The following DGCR2 variants were observed in gnomAD, a reference collection of about 807,000 sequenced individuals.
DGCR2 encodes DiGeorge syndrome critical region gene 2.
A neutral mutation model predicts 51.6 loss-of-function variants in DGCR2; 24 were observed. That is an observed-to-expected ratio of 0.47 (90% CI 0.34 to 0.65). DGCR2 has a LOEUF of 0.65. Among genes scored for constraint, DGCR2 ranks in the 30% least tolerant of loss-of-function variants. The pLI, the probability that DGCR2 is intolerant of heterozygous loss-of-function variation, is 0.01. For synonymous variants in DGCR2, 340 were observed against 315.4 expected (o/e 1.08, Z -0.82); for missense variants, 765 against 772.1 (o/e 0.99, Z 0.11).
rs2082942243 is a variant in DGCR2 at position 19,082,051 on chromosome 22, TGGGG to T, written c.202+7313_202+7316del. Among the ~76,000 whole-genome samples, 4 of 142,996 alleles carry T rather than the reference TGGGG, an allele frequency of 2.8e-5. No homozygotes were observed. The South Asian group carries it at 8.7e-4, about 31-fold the overall frequency. The allele number at this position is 142,996 out of a possible 152,430, so 93.8% of individuals were successfully genotyped here. ...TTTCACAGTCTTTACTGGTGTTTTT[TGGGG>T]TTTTTTTTGTTTTTTTTTTTTTGAA... On this transcript the variant is annotated intron_variant, in intron 2 of 9. Coordinates refer to ENST00000263196, the MANE Select transcript of DGCR2 (RefSeq NM_005137.3).
At chr22:19,089,771 G>A (rs1360287731) in intron 1 of DGCR2, among the ~76,000 whole-genome samples, 2 of 152,222 alleles carry the variant, frequency 1.3e-5, no homozygotes, top group African/African-American at 4.8e-5. Flanking sequence ...AGTAGAGACG[G>A]GGTTTTGCCA....
rs1031692429 is a variant in DGCR2 at position 19,113,008 on chromosome 22, T to C, written c.79+9120A>G. Among the ~76,000 whole-genome samples the C allele has an allele frequency of 9.3e-5, 12 of 128,528 alleles. 1 individual carries two copies. Among genetic ancestry groups the C allele is most frequent in the Admixed American group, 8.4e-4 (11 of 13,050 alleles). The allele number at this position is 128,528 out of a possible 152,430, so 84.3% of individuals were successfully genotyped here. ...CTGTTGGGAGCCAGGGTTCTCACTG[T>C]AGAAAAAGAGAGAAACAAACATGCA... On this transcript the variant is annotated intron_variant, in intron 1 of 9. Transcript: ENST00000263196.
intron 6 of DGCR2, among the ~76,000 whole-genome samples, chr22:19,055,417 T>C (rs2082590780): frequency 6.6e-6 from 1 of 152,168 alleles, no homozygotes; most frequent in Non-Finnish European, 1.5e-5. Flanking sequence ...AGAATATTGA[T>C]ACATTAAAAT....
chr22:19,046,739 GC>G (rs765860889), intron 7 of DGCR2: 88 of 439,818 alleles, frequency 2.0e-4, no homozygotes, highest in Non-Finnish European at 3.8e-4. Context: ...GCAGAGCAGG[GC>G]CCAGCTAAGT....
At chr22:19,084,053 G>A (rs989583804) in intron 2 of DGCR2, among the ~76,000 whole-genome samples, 30 of 152,060 alleles carry the variant, frequency 2.0e-4, no homozygotes, top group South Asian at 6.2e-4. Flanking sequence ...GTGCAGTGGC[G>A]TGATCTCGGC....
chr22:19,076,605 C>T lies in DGCR2; in HGVS notation c.203-8380G>A, dbSNP rs571955090. 2.0e-5 allele frequency among the ~76,000 whole-genome samples: 3 copies of T among 152,206 alleles called. No individual in the cohort carries two copies. In the East Asian group the frequency reaches 5.8e-4, roughly 29 times the overall value. ...TTGTCATTTCCTGTTCAACAGCAAA[C>T]ATCTAATGGCTGTGAGCTATTTCAC... On this transcript the variant is annotated intron_variant, in intron 2 of 9. Coordinates refer to ENST00000263196, the MANE Select transcript of DGCR2 (RefSeq NM_005137.3).
rs2082438787 is a variant in DGCR2, at chr22:19,042,036, C to T, written c.1007-77G>A. On this transcript the variant is annotated intron_variant, in intron 7 of 9. Transcript: ENST00000263196. ...CTACGCTGGGGATGCTGTCGTCCTC[C>T]TGCCCAGGCGGGCTGTGTGGACAAG... is the stretch of plus-strand genomic sequence containing the variant. 2.0e-6 allele frequency: 3 copies of T among 1,514,348 alleles called. No homozygotes were observed. The Admixed American group carries it at 6.1e-5, about 31-fold the overall frequency. 93.8% of individuals were successfully genotyped at this position (1,514,348 alleles called of 1,614,324 possible).
chr22:19,048,900 C>T (rs1421792621), intron 6 of DGCR2, among the ~76,000 whole-genome samples: 1 of 152,188 alleles, frequency 6.6e-6, no homozygotes, highest in East Asian at 1.9e-4. Flanking sequence ...GCTGACCTTC[C>T]CCACCTGGGC....
chr22:19,056,886 T>C lies in DGCR2; in HGVS notation c.802+100A>G. On this transcript the variant is annotated intron_variant, in intron 6 of 9. Coordinates refer to ENST00000263196, the MANE Select transcript of DGCR2 (RefSeq NM_005137.3). ...TGGTAAGGGGCGTCCACCGCAACAC[T>C]GCAAATCAGGTTCTGCCTCCGAAAC... is the stretch of plus-strand genomic sequence containing the variant. The C allele has an allele frequency of 6.7e-6, 9 of 1,353,272 alleles. No individual in the cohort carries two copies. The South Asian group carries it at 1.0e-4, about 16-fold the overall frequency. 83.8% of individuals were successfully genotyped at this position (1,353,272 alleles called of 1,614,324 possible). A position where few individuals can be genotyped will look rare whatever the true frequency, so the allele number is the denominator to read the frequency against.
intron 6 of DGCR2, among the ~76,000 whole-genome samples, chr22:19,053,367 C>T (rs531446018): frequency 6.6e-6 from 1 of 152,266 alleles, no homozygotes; most frequent in African/African-American, 2.4e-5. Flanking sequence ...AGAGATGTAG[C>T]CCAAAGGGAT....
At chr22:19,108,687 G>T (rs1181340555) in intron 1 of DGCR2, among the ~76,000 whole-genome samples, 1 of 149,638 alleles carries the variant, frequency 6.7e-6, no homozygotes, top group Non-Finnish European at 1.5e-5. Context: ...TCTGACAAAG[G>T]TACAAAGACA....
intron 5 of DGCR2, chr22:19,061,147 G>C (rs564929870): frequency 1.7e-5 from 4 of 235,264 alleles, no homozygotes; most frequent in South Asian, 1.3e-4. Context: ...GGTATTTTTG[G>C]GGGGGCCAAC....
At chr22:19,041,709 T>C in intron 8 of DGCR2, 98 bp downstream of exon 8, 1 of 1,402,626 alleles carries the variant, frequency 7.1e-7, no homozygotes, top group Non-Finnish European at 9.7e-7. Flanking sequence ...CAAACCTGCC[T>C]CTGCCCCTCT....
intron 1 of DGCR2, among the ~76,000 whole-genome samples, chr22:19,096,533 T>C (rs2083141603): frequency 1.3e-5 from 2 of 152,136 alleles, no homozygotes; most frequent in Non-Finnish European, 2.9e-5. Context: ...TCATTACACA[T>C]TCTATGCTTG....
chr22:19,084,761 T>TG (rs1219083549), intron 2 of DGCR2, among the ~76,000 whole-genome samples: 2 of 120,060 alleles, frequency 1.7e-5, no homozygotes, highest in African/African-American at 3.2e-5. Flanking sequence ...GGGAGGGAGG[T>TG]GGGGGGTCAG....
intron 2 of DGCR2, among the ~76,000 whole-genome samples, chr22:19,082,750 C>T (rs555261957): frequency 6.8e-6 from 1 of 146,560 alleles, no homozygotes; most frequent in East Asian, 2.1e-4. Flanking sequence ...GAGCGAAACT[C>T]CATCTCCAAA....
chr22:19,077,771 A>C (rs912784470), intron 2 of DGCR2, among the ~76,000 whole-genome samples: 2 of 152,182 alleles, frequency 1.3e-5, no homozygotes, highest in Non-Finnish European at 2.9e-5. Context: ...TGCTTTAGGT[A>C]ATAGTCACAT....
chr22:19,083,451 T>G (rs1001012826), intron 2 of DGCR2, among the ~76,000 whole-genome samples: 10 of 152,178 alleles, frequency 6.6e-5, no homozygotes, highest in African/African-American at 2.4e-4. Flanking sequence ...TCTCAACATT[T>G]TAGAATCGAC....
chr22:19,063,153 G>C (rs748070761), intron 5 of DGCR2, 49 bp downstream of exon 5: 30 of 1,563,528 alleles, frequency 1.9e-5, no homozygotes, highest in South Asian at 1.2e-4. Context: ...CCCCGAATCA[G>C]GGTGACTCTG....
Sources: gnomAD v4.1 joint callset for allele counts (sites outside exome capture counted in the v4.1 genomes callset) on GRCh38, gnomAD v4.1.1 for gene constraint, MANE v1.5 for transcripts, NCBI Gene and HGNC (gene_info 2026-07-23, HGNC 2026-07-21) for gene names.